TLL1: variants seen among roughly 807,000 people sequenced by gnomAD.
The protein encoded by TLL1 is tolloid like 1.
TLL1 carries 49 observed loss-of-function variants against 128.2 expected under a neutral mutation model. The observed-to-expected ratio is 0.38, with a 90% CI of 0.30 to 0.48. TLL1 has a LOEUF of 0.48. TLL1 is among the 20% of genes least tolerant of loss of function. The pLI is 0.96. For synonymous variants in TLL1, 454 were observed against 418.8 expected (o/e 1.08, Z -1.03); for missense variants, 1,123 against 1,242.0 (o/e 0.90, Z 1.44).
At chr4:166,038,617 A>G (rs1430199575) in intron 9 of TLL1, among the ~76,000 whole-genome samples, 2 of 152,206 alleles carry the variant, frequency 1.3e-5, no homozygotes, top group Non-Finnish European at 2.9e-5. Flanking sequence ...CCATTTATAA[A>G]GCAGTAAGAA....
chr4:165,947,214 G>A (rs1734292975), intron 1 of TLL1, among the ~76,000 whole-genome samples: 1 of 151,750 alleles, frequency 6.6e-6, no homozygotes, highest in Non-Finnish European at 1.5e-5. Context: ...TGAGCTGGTG[G>A]GGACAGGGTG....
chr4:165,901,617 G>A (rs1731995692), intron 1 of TLL1, among the ~76,000 whole-genome samples: 1 of 152,200 alleles, frequency 6.6e-6, no homozygotes, highest in African/African-American at 2.4e-5. Flanking sequence ...TCCTCTGGAA[G>A]CTTTGTCCCA....
chr4:165,889,465 G>A (rs146441281), intron 1 of TLL1, among the ~76,000 whole-genome samples: 5 of 152,150 alleles, frequency 3.3e-5, no homozygotes, highest in Admixed American at 3.3e-4. Context: ...CCTTTCACTT[G>A]AAAAGATTCA....
chr4:166,088,691 C>A (rs969380769), intron 18 of TLL1, among the ~76,000 whole-genome samples: 1 of 152,050 alleles, frequency 6.6e-6, no homozygotes, highest in African/African-American at 2.4e-5. Context: ...AGCTATGGAA[C>A]CTTTGACTAA....
intron 1 of TLL1, among the ~76,000 whole-genome samples, chr4:165,956,274 C>T (rs1267102904): frequency 1.3e-5 from 2 of 152,004 alleles, no homozygotes; most frequent in South Asian, 2.1e-4. Flanking sequence ...AGCAGAGAAC[C>T]GATCTGACCA....
intron 16 of TLL1, among the ~76,000 whole-genome samples, chr4:166,066,482 C>T (rs576347984): frequency 6.6e-6 from 1 of 151,672 alleles, no homozygotes; most frequent in South Asian, 2.1e-4. Context: ...TTTATAAAAA[C>T]ATTATTTTGA....
chr4:166,092,265 T>C (rs1178206730), intron 19 of TLL1, among the ~76,000 whole-genome samples: 2 of 152,100 alleles, frequency 1.3e-5, no homozygotes, highest in Admixed American at 6.6e-5. Flanking sequence ...AATTCATAAT[T>C]TTAACTATTC....
chr4:165,988,992 T>C (rs1212185546), intron 1 of TLL1, among the ~76,000 whole-genome samples: 2 of 152,166 alleles, frequency 1.3e-5, no homozygotes, highest in African/African-American at 4.8e-5. Context: ...GCTTTTCCTT[T>C]TTCCTCTCAG....
chr4:165,892,244 G>A (rs1350670), intron 1 of TLL1, among the ~76,000 whole-genome samples: 72,352 of 152,042 alleles, frequency 0.48, 18,248 homozygotes, highest in East Asian at 0.87. Flanking sequence ...AACAACAACA[G>A]TTCAAGATGA....
At chr4:165,949,525 C>T (rs1322258628) in intron 1 of TLL1, among the ~76,000 whole-genome samples, 5 of 152,080 alleles carry the variant, frequency 3.3e-5, no homozygotes, top group Non-Finnish European at 7.4e-5. Context: ...CTGTATTAGT[C>T]CGTTTTCATG....
Position 165,998,169 on chromosome 4 carries a change from G to A in TLL1, c.632+2991G>A, listed in dbSNP as rs144157967. On this transcript the variant is annotated intron_variant, in intron 5 of 20. Transcript: ENST00000061240. ...GTCATCAGTGGCATTTATTTATTTTGCAAGATGATTGATTATTATTAGCAA... is the reference window on the plus strand; with the variant it reads ...GTCATCAGTGGCATTTATTTATTTTACAAGATGATTGATTATTATTAGCAA... Among the ~76,000 whole-genome samples the A allele has an allele frequency of 8.6e-5, 13 of 152,014 alleles. No homozygotes were observed. The East Asian group carries it at 2.5e-3, about 29-fold the overall frequency.
intron 1 of TLL1, among the ~76,000 whole-genome samples, chr4:165,896,275 T>C (rs904534644): frequency 5.3e-5 from 8 of 152,162 alleles, no homozygotes; most frequent in Admixed American, 1.3e-4. Flanking sequence ...TCATTTTTTA[T>C]GGCTGCATAT....
chr4:165,957,898 C>T (rs1436230446), intron 1 of TLL1, among the ~76,000 whole-genome samples: 1 of 121,876 alleles, frequency 8.2e-6, no homozygotes, highest in Non-Finnish European at 1.6e-5. Flanking sequence ...GAGTGATGTT[C>T]CCCTTCCTGT....
chr4:165,988,430 C>T (rs542276216), intron 1 of TLL1, among the ~76,000 whole-genome samples: 2 of 152,024 alleles, frequency 1.3e-5, no homozygotes, highest in East Asian at 3.9e-4. Flanking sequence ...GGCAACATGG[C>T]ACAACCCTTT....
intron 9 of TLL1, chr4:166,030,576 G>T: frequency 1.8e-6 from 1 of 548,940 alleles, no homozygotes; most frequent in East Asian, 3.2e-5. Flanking sequence ...AAGAAATCAT[G>T]GCCATATGTA....
At chr4:166,030,495 A>G (rs192331440) in intron 9 of TLL1, 3 of 615,902 alleles carry the variant, frequency 4.9e-6, no homozygotes, top group East Asian at 5.9e-5. Context: ...GATGAACACA[A>G]ATTATAAAGT....
chr4:166,029,189 T>A (rs1738640130), intron 9 of TLL1, among the ~76,000 whole-genome samples: 1 of 152,132 alleles, frequency 6.6e-6, no homozygotes, highest in Non-Finnish European at 1.5e-5. Flanking sequence ...TTTTTCTCTC[T>A]ACTGGTTTGA....
At chr4:166,013,585 C>T (rs1167656856) in intron 7 of TLL1, among the ~76,000 whole-genome samples, 1 of 151,686 alleles carries the variant, frequency 6.6e-6, no homozygotes, top group Admixed American at 6.6e-5. Context: ...AAACACACAA[C>T]TCATACTTCT....
intron 1 of TLL1, among the ~76,000 whole-genome samples, chr4:165,926,213 A>T (rs1733261413): frequency 6.6e-6 from 1 of 152,196 alleles, no homozygotes; most frequent in Admixed American, 6.5e-5. Context: ...GGAAGTATAT[A>T]TTGAAATAGA....
Sources: gnomAD v4.1 joint callset for allele counts (sites outside exome capture counted in the v4.1 genomes callset) on GRCh38, gnomAD v4.1.1 for gene constraint, MANE v1.5 for transcripts, NCBI Gene and HGNC (gene_info 2026-07-23, HGNC 2026-07-21) for gene names.